Variants in GPC3 observed in about 807,000 individuals in gnomAD.
The protein encoded by GPC3 is glypican 3.
In GPC3, 3 loss-of-function variants were observed where a neutral mutation model predicts 34.4. The observed-to-expected ratio is 0.09, with a 90% CI of 0.04 to 0.23. The LOEUF (loss-of-function observed/expected upper bound fraction) is 0.23. Among genes scored for constraint, GPC3 ranks in the 10% least tolerant of loss-of-function variants. The pLI is 1.00. For synonymous variants in GPC3, 177 were observed against 174.0 expected (o/e 1.02, Z -0.13); for missense variants, 351 against 445.6 (o/e 0.79, Z 1.91).
chrX:133,822,580 G>A lies in GPC3; in HGVS notation c.338-68404C>T, dbSNP rs144597401. Among the ~76,000 whole-genome samples the A allele has an allele frequency of 1.4e-3, 159 of 111,342 alleles. 3 individuals carry two copies. In the East Asian group the frequency reaches 0.029, roughly 20 times the overall value. On this transcript the variant is annotated intron_variant, in intron 2 of 7. Transcript: ENST00000370818. ...ATAAATTAAAACTGATCATAGATGT[G>A]CATGTATAGGAAAAATATAGCATAT...
chrX:133,585,032 T>C (rs192520996), intron 7 of GPC3, among the ~76,000 whole-genome samples: 5 of 111,581 alleles, frequency 4.5e-5, no homozygotes, highest in Non-Finnish European at 9.4e-5. Context: ...TAAACATCTT[T>C]TAGGCAGGTG....
chrX:133,712,334 G>A (rs1280496052), intron 3 of GPC3, among the ~76,000 whole-genome samples: 1 of 111,831 alleles, frequency 8.9e-6, no homozygotes, highest in East Asian at 2.8e-4. Flanking sequence ...TTGTTTTTCT[G>A]ATGCAAAAGA....
intron 2 of GPC3, among the ~76,000 whole-genome samples, chrX:133,833,957 T>C (rs1414015398): frequency 1.8e-5 from 2 of 111,261 alleles, no homozygotes; most frequent in African/African-American, 6.5e-5. Context: ...AAATGATAGG[T>C]GGATAGAAAA....
intron 7 of GPC3, among the ~76,000 whole-genome samples, chrX:133,586,090 C>G (rs994844245): frequency 8.9e-6 from 1 of 111,738 alleles, no homozygotes; most frequent in Non-Finnish European, 1.9e-5. Context: ...AAGCAAATCT[C>G]AGAATATCTC....
chrX:133,559,579 G>A lies in GPC3; in HGVS notation c.1574-23286C>T, dbSNP rs754179509. 5.4e-5 allele frequency among the ~76,000 whole-genome samples: 6 copies of A among 111,283 alleles called. No homozygotes were observed. In the East Asian group the frequency reaches 1.7e-3, roughly 32 times the overall value. On this transcript the variant is annotated intron_variant, in intron 7 of 7. Transcript: ENST00000370818. ...CATGGGGATTCTGAGCAGGGGCAGA[G>A]CCTGTGGAGTGTTCTGAGAAGAGAA... is the stretch of plus-strand genomic sequence containing the variant.
intron 6 of GPC3, among the ~76,000 whole-genome samples, chrX:133,616,009 T>G (rs958368186): frequency 9.0e-6 from 1 of 111,135 alleles, no homozygotes; most frequent in East Asian, 2.8e-4. Flanking sequence ...AAGAAAACTA[T>G]GTCTGTTCTT....
intron 5 of GPC3, chrX:133,671,372 A>G: frequency 3.6e-6 from 2 of 558,867 alleles, no homozygotes; most frequent in East Asian, 3.3e-5. Context: ...TGCTGGCAAA[A>G]AGTCGAAGAA....
chrX:133,932,102 C>T (rs983683650), intron 2 of GPC3, among the ~76,000 whole-genome samples: 8 of 112,220 alleles, frequency 7.1e-5, no homozygotes, highest in Non-Finnish European at 1.3e-4. Flanking sequence ...AAACAGAAAG[C>T]TCAGTGTATA....
intron 4 of GPC3, among the ~76,000 whole-genome samples, chrX:133,692,973 T>C (rs1257753172): frequency 9.0e-6 from 1 of 111,615 alleles, no homozygotes; most frequent in Non-Finnish European, 1.9e-5. Context: ...CTCAGAACAG[T>C]ATAAGCTCTA....
chrX:133,676,055 T>C (rs966081188), intron 5 of GPC3, among the ~76,000 whole-genome samples: 4 of 112,243 alleles, frequency 3.6e-5, no homozygotes, highest in Non-Finnish European at 7.5e-5. Flanking sequence ...TGAGAGTGTG[T>C]AGCCATATTG....
chrX:133,548,993 A>G (rs893522844), intron 7 of GPC3, among the ~76,000 whole-genome samples: 1 of 111,530 alleles, frequency 9.0e-6, no homozygotes, highest in Non-Finnish European at 1.9e-5. Flanking sequence ...GCATGTCTTT[A>G]TCAGCAGCAT....
intron 7 of GPC3, among the ~76,000 whole-genome samples, chrX:133,585,336 T>C (rs939899359): frequency 9.0e-6 from 1 of 111,278 alleles, no homozygotes; most frequent in Non-Finnish European, 1.9e-5. Context: ...TCCACATCCC[T>C]CCCCTTCTCC....
At chrX:133,635,195 T>C (rs927954635) in intron 6 of GPC3, among the ~76,000 whole-genome samples, 2 of 112,119 alleles carry the variant, frequency 1.8e-5, no homozygotes, top group African/African-American at 3.2e-5. Context: ...AACTCCTTGC[T>C]CTGTAGAAAT....
At chrX:133,944,100 ATG>A (rs1201098658) in intron 2 of GPC3, among the ~76,000 whole-genome samples, 18 of 108,911 alleles carry the variant, frequency 1.7e-4, no homozygotes, top group East Asian at 8.6e-4. Context: ...ATATATATAT[ATG>A]TGTGTGTGTT....
Position 133,871,151 on chromosome X carries a change from T to C in GPC3, c.337+81899A>G, listed in dbSNP as rs766748406. Among the ~76,000 whole-genome samples the C allele has an allele frequency of 9.9e-5, 11 of 111,630 alleles. No homozygotes were observed. The South Asian group carries it at 1.2e-3, about 12-fold the overall frequency. On this transcript the variant is annotated intron_variant, in intron 2 of 7. Transcript: ENST00000370818. ...CTCCCCGTAAGCAGGTCACCTGTAT[T>C]ACAAACTCAACATGACCAAAATCCA...
At chrX:133,965,223 T>C (rs1343302761) in intron 1 of GPC3, among the ~76,000 whole-genome samples, 2 of 106,317 alleles carry the variant, frequency 1.9e-5, no homozygotes, top group Admixed American at 2.0e-4. Context: ...AACCTGTAAA[T>C]GTGACCTTAT....
At chrX:133,589,774 C>T (rs1220968728) in intron 7 of GPC3, among the ~76,000 whole-genome samples, 1 of 111,536 alleles carries the variant, frequency 9.0e-6, no homozygotes, top group African/African-American at 3.3e-5. Context: ...ATCAGCAGCA[C>T]GAGAACAGAC....
Position 133,692,403 on chromosome X carries a change from T to C in GPC3, c.1258A>G (p.Thr420Ala). 1 of 1,210,898 alleles carries C rather than the reference T, an allele frequency of 8.3e-7. No homozygotes were observed. The highest frequency in any genetic ancestry group is 1.1e-6 in the Non-Finnish European group (1 of 894,417). The change falls in exon 5 of 8, where the codon ACC becomes GCC. Residue 420 changes from threonine (T) to alanine (A), a missense_variant. Thr to Ala is a moderately conservative substitution (Grantham distance 58). Coordinates refer to ENST00000370818, the MANE Select transcript of GPC3 (RefSeq NM_004484.4). Reference protein sequence around the residue: ...CSHSPVAENDTLCWNGQELVE... With the variant: ...CSHSPVAENDALCWNGQELVE... ...AGTTCTTGTCCATTCCAGCAAAGGG[T>C]GTCGTTTTCCGCCACAGGGCTATGG...
intron 2 of GPC3, among the ~76,000 whole-genome samples, chrX:133,844,995 T>C (rs2075841396): frequency 9.1e-6 from 1 of 110,019 alleles, no homozygotes; most frequent in South Asian, 4.0e-4. Context: ...GACGGGGAGG[T>C]TGTAGGTAAC....
Sources: gnomAD v4.1 joint callset for allele counts (sites outside exome capture counted in the v4.1 genomes callset) on GRCh38, gnomAD v4.1.1 for gene constraint, MANE v1.5 for transcripts, NCBI Gene and HGNC (gene_info 2026-07-23, HGNC 2026-07-21) for gene names.